Variants in XRCC4 observed in about 807,000 individuals in gnomAD.
The protein encoded by XRCC4 is X-ray repair cross complementing 4.
Under a neutral mutation model 39.1 loss-of-function variants are expected in XRCC4, and 28 were observed. The ratio of observed to expected loss-of-function variants is 0.72; its 90% CI spans 0.53 to 0.98. XRCC4 has a LOEUF of 0.98. Among genes scored for constraint, XRCC4 ranks in the 50% least tolerant of loss-of-function variants. XRCC4 has a pLI of 0.00. For synonymous variants in XRCC4, 123 were observed against 126.4 expected (o/e 0.97, Z 0.18); for missense variants, 350 against 376.4 (o/e 0.93, Z 0.58).
intron 3 of XRCC4, among the ~76,000 whole-genome samples, chr5:83,188,052 A>G (rs368278102): frequency 6.6e-5 from 10 of 152,312 alleles, no homozygotes; most frequent in Admixed American, 1.3e-4. Context: ...TGTATTCATT[A>G]TGTATTATTG....
chr5:83,098,741 A>G (rs1174205938), intron 1 of XRCC4, among the ~76,000 whole-genome samples: 1 of 152,164 alleles, frequency 6.6e-6, no homozygotes, highest in Non-Finnish European at 1.5e-5. Flanking sequence ...AATAATGAAA[A>G]TACTAGCAAT....
chr5:83,261,517 A>C (rs923931676), intron 7 of XRCC4, among the ~76,000 whole-genome samples: 4 of 151,862 alleles, frequency 2.6e-5, no homozygotes, highest in Non-Finnish European at 4.4e-5. Context: ...GACATCTTAC[A>C]TGTGATTCCA....
At chr5:83,128,053 C>A (rs1292704549) in intron 3 of XRCC4, among the ~76,000 whole-genome samples, 1 of 151,862 alleles carries the variant, frequency 6.6e-6, no homozygotes, top group African/African-American at 2.4e-5. Context: ...ATACATGTGC[C>A]ATGTTGCTGT....
At chr5:83,329,756 A>C (rs1009741123) in intron 7 of XRCC4, among the ~76,000 whole-genome samples, 1 of 152,142 alleles carries the variant, frequency 6.6e-6, no homozygotes, top group Non-Finnish European at 1.5e-5. Flanking sequence ...ACTCAAATTA[A>C]GTACATTCCA....
intron 7 of XRCC4, among the ~76,000 whole-genome samples, chr5:83,287,956 T>C (rs1056895992): frequency 3.3e-5 from 5 of 151,926 alleles, no homozygotes; most frequent in South Asian, 4.1e-4. Context: ...ACTGCTTTCG[T>C]TGCATCCCAC....
At chr5:83,218,590 A>T (rs1294435497) in intron 6 of XRCC4, among the ~76,000 whole-genome samples, 4 of 152,036 alleles carry the variant, frequency 2.6e-5, no homozygotes, top group Non-Finnish European at 5.9e-5. Context: ...ACTTGGAGGA[A>T]TTCTGAAAAT....
intron 3 of XRCC4, among the ~76,000 whole-genome samples, chr5:83,171,210 G>T (rs1361524176): frequency 6.6e-6 from 1 of 152,046 alleles, no homozygotes; most frequent in Non-Finnish European, 1.5e-5. Flanking sequence ...CTCAGCACTT[G>T]TCCAGATTTA....
intron 6 of XRCC4, among the ~76,000 whole-genome samples, chr5:83,236,046 A>G (rs944075505): frequency 1.3e-5 from 2 of 152,148 alleles, no homozygotes; most frequent in Non-Finnish European, 2.9e-5. Context: ...GAATTATAAA[A>G]CATTGATGAA....
chr5:83,095,301 C>G (rs1250153770), intron 1 of XRCC4, among the ~76,000 whole-genome samples: 1 of 152,242 alleles, frequency 6.6e-6, no homozygotes, highest in Non-Finnish European at 1.5e-5. Flanking sequence ...TCTGATCAGC[C>G]TTGGCCACAG....
intron 7 of XRCC4, among the ~76,000 whole-genome samples, chr5:83,299,938 A>G (rs1400663116): frequency 6.6e-6 from 1 of 152,046 alleles, no homozygotes; most frequent in African/African-American, 2.4e-5. Context: ...TTATGAGTGA[A>G]GTGATTATTT....
At chr5:83,185,955 C>G (rs1380710040) in intron 3 of XRCC4, among the ~76,000 whole-genome samples, 1 of 152,008 alleles carries the variant, frequency 6.6e-6, no homozygotes, top group Non-Finnish European at 1.5e-5. Flanking sequence ...GTAATATTGC[C>G]AAACCAGAAA....
chr5:83,213,364 A>T (rs918417497), intron 6 of XRCC4, among the ~76,000 whole-genome samples: 1 of 152,084 alleles, frequency 6.6e-6, no homozygotes, highest in Non-Finnish European at 1.5e-5. Flanking sequence ...TTTCTTTTTT[A>T]TTATTGTCTT....
At chr5:83,160,656 A>G (rs574596433) in intron 3 of XRCC4, among the ~76,000 whole-genome samples, 1 of 152,320 alleles carries the variant, frequency 6.6e-6, no homozygotes, top group East Asian at 1.9e-4. Flanking sequence ...CAGAATTATA[A>G]TTAAGTAGCA....
intron 1 of XRCC4, among the ~76,000 whole-genome samples, chr5:83,094,183 C>A (rs1226977610): frequency 6.6e-6 from 1 of 152,042 alleles, no homozygotes; most frequent in Non-Finnish European, 1.5e-5. Flanking sequence ...TTTGTTATTT[C>A]TTTAAATATG....
chr5:83,176,620 G>A (rs540230897), intron 3 of XRCC4, among the ~76,000 whole-genome samples: 2 of 145,744 alleles, frequency 1.4e-5, no homozygotes, highest in East Asian at 1.9e-4. Flanking sequence ...GGCATATAAA[G>A]TATTGGAATT....
At chr5:83,201,246 T>G (rs1751182115) in intron 4 of XRCC4, 1 of 152,242 alleles carries the variant, frequency 6.6e-6, no homozygotes, top group South Asian at 2.1e-4. Context: ...CCAGCAGGAA[T>G]GGCATAATCC....
chr5:83,108,873 A>ATTTTTTATT, intron 2 of XRCC4, among the ~76,000 whole-genome samples: 1 of 149,100 alleles, frequency 6.7e-6, no homozygotes. Flanking sequence ...TTTTTAGAAG[A>ATTTTTTATT]GCTACTAGGG....
rs1276449535 is a variant in XRCC4, at chr5:83,353,536, T to C, written c.*294T>C. The C allele has an allele frequency of 1.0e-5, 2 of 197,982 alleles. No individual in the cohort carries two copies. The highest frequency in any genetic ancestry group is 2.0e-5 in the Non-Finnish European group (2 of 98,880). 12.3% of individuals were successfully genotyped at this position (197,982 alleles called of 1,614,324 possible). ...CATTTATCATATTCATTCACACATA[T>C]TATATGTGATAGCTGTCCAACATCC... On this transcript the variant is annotated 3_prime_UTR_variant, in exon 8 of 8. Transcript: ENST00000396027.
intron 6 of XRCC4, among the ~76,000 whole-genome samples, chr5:83,251,205 C>T (rs1167876397): frequency 1.3e-5 from 2 of 152,024 alleles, no homozygotes; most frequent in Non-Finnish European, 2.9e-5. Flanking sequence ...AACTGAATTC[C>T]TTTGGTAGTA....
Sources: gnomAD v4.1 joint callset for allele counts (sites outside exome capture counted in the v4.1 genomes callset) on GRCh38, gnomAD v4.1.1 for gene constraint, MANE v1.5 for transcripts, NCBI Gene and HGNC (gene_info 2026-07-23, HGNC 2026-07-21) for gene names.